The following PARN variants were observed in gnomAD, a reference collection of about 807,000 sequenced individuals.
PARN encodes the protein poly(A)-specific ribonuclease PARN.
Under a neutral mutation model 102.8 loss-of-function variants are expected in PARN, and 71 were observed. The ratio of observed to expected loss-of-function variants is 0.69; its 90% CI spans 0.57 to 0.84. PARN has a LOEUF of 0.84. Ranked by LOEUF, PARN falls within the 40% of genes least tolerant of loss-of-function variation. PARN has a pLI of 0.00. For missense variants in PARN, 782 were observed against 760.9 expected (o/e 1.03, Z -0.33); for synonymous variants, 261 against 252.9 (o/e 1.03, Z -0.30).
At chr16:14,500,294 G>A (rs1964518936) in intron 21 of PARN, among the ~76,000 whole-genome samples, 6 of 152,204 alleles carry the variant, frequency 3.9e-5, no homozygotes, top group Admixed American at 3.9e-4. Context: ...CTGGGCTTAA[G>A]GAATTCTCCT....
chr16:14,513,406 A>G (rs1965302430), intron 21 of PARN, among the ~76,000 whole-genome samples: 1 of 152,112 alleles, frequency 6.6e-6, no homozygotes, highest in Non-Finnish European at 1.5e-5. Context: ...TTCTACCAGT[A>G]ATGATTAGCG....
Position 14,630,225 on chromosome 16 carries a change from G to A in PARN, c.-100C>T, listed in dbSNP as rs1015979192. On this transcript the variant is annotated 5_prime_UTR_variant, in exon 1 of 24. Transcript: ENST00000437198. ...GGCGACTGCGGCAGTAGCTGAGGCA[G>A]CCGCAGCGGTGACGCCGGCCGCGAC... 6.5e-6 allele frequency: 7 copies of A among 1,077,624 alleles called. No homozygotes were observed. In the African/African-American group the frequency reaches 9.8e-5, roughly 15 times the overall value. The allele number at this position is 1,077,624 out of a possible 1,614,324, so 66.8% of individuals were successfully genotyped here.
At chr16:14,490,380 G>A (rs1183769550) in intron 21 of PARN, among the ~76,000 whole-genome samples, 1 of 152,198 alleles carries the variant, frequency 6.6e-6, no homozygotes, top group East Asian at 1.9e-4. Context: ...TGCACTGGAA[G>A]GCACCCGGTT....
chr16:14,511,625 G>GT (rs1219512318), intron 21 of PARN, among the ~76,000 whole-genome samples: 1 of 152,086 alleles, frequency 6.6e-6, no homozygotes, highest in Non-Finnish European at 1.5e-5. Context: ...AAATTATTGG[G>GT]TGTAGCAGTT....
chr16:14,507,834 T>C (rs1255498014), intron 21 of PARN, among the ~76,000 whole-genome samples: 5 of 152,182 alleles, frequency 3.3e-5, no homozygotes, highest in African/African-American at 7.2e-5. Context: ...AAGAATACTA[T>C]TGAGTAAATA....
intron 18 of PARN, among the ~76,000 whole-genome samples, chr16:14,572,211 C>A (rs1968854069): frequency 6.6e-6 from 1 of 152,170 alleles, no homozygotes; most frequent in African/African-American, 2.4e-5. Context: ...AAGCTTGACA[C>A]ACGGGGTCCC....
chr16:14,629,284 T>C (rs1972873634), intron 2 of PARN, among the ~76,000 whole-genome samples: 1 of 152,168 alleles, frequency 6.6e-6, no homozygotes, highest in African/African-American at 2.4e-5. Context: ...ATACCTATTT[T>C]ACAATCAAGA....
chr16:14,607,630 T>C (rs747763821), intron 9 of PARN, among the ~76,000 whole-genome samples: 25 of 152,044 alleles, frequency 1.6e-4, no homozygotes, highest in Admixed American at 3.9e-4. Flanking sequence ...GGAATGCAGG[T>C]GGAGTAGGCT....
chr16:14,494,769 GGA>G (rs1303142827), intron 21 of PARN, among the ~76,000 whole-genome samples: 3 of 152,164 alleles, frequency 2.0e-5, no homozygotes, highest in African/African-American at 7.2e-5. Flanking sequence ...TAATAAATAT[GGA>G]GAGAAAGGGC....
At chr16:14,450,089 C>T (rs180748910) in intron 22 of PARN, among the ~76,000 whole-genome samples, 54 of 152,134 alleles carry the variant, frequency 3.5e-4, no homozygotes, top group Non-Finnish European at 6.8e-4. Context: ...TGGTTGAATA[C>T]GCAACAGTAC....
intron 23 of PARN, among the ~76,000 whole-genome samples, chr16:14,445,963 G>A (rs1961181872): frequency 6.6e-6 from 1 of 152,190 alleles, no homozygotes; most frequent in Non-Finnish European, 1.5e-5. Flanking sequence ...AATGGATAAT[G>A]ATGACTGTCT....
intron 6 of PARN, among the ~76,000 whole-genome samples, chr16:14,613,888 A>C (rs994601422): frequency 3.3e-5 from 5 of 152,222 alleles, no homozygotes; most frequent in African/African-American, 1.2e-4. Flanking sequence ...AATGGAAGTC[A>C]ACAGATTGCT....
intron 22 of PARN, among the ~76,000 whole-genome samples, chr16:14,475,383 T>C (rs1962985387): frequency 6.6e-6 from 1 of 152,122 alleles, no homozygotes; most frequent in African/African-American, 2.4e-5. Context: ...AGAGGAGTAT[T>C]CTCCAAACAC....
chr16:14,484,403 C>A (rs973518739), intron 21 of PARN, among the ~76,000 whole-genome samples: 3 of 152,208 alleles, frequency 2.0e-5, no homozygotes, highest in African/African-American at 7.2e-5. Flanking sequence ...ACAACTATTA[C>A]CCACACTGGC....
chr16:14,442,037 T>C (rs1960964876), intron 23 of PARN, among the ~76,000 whole-genome samples: 1 of 152,214 alleles, frequency 6.6e-6, no homozygotes. Flanking sequence ...ACAATGTCTC[T>C]ATTTACAGGA....
At chr16:14,458,013 C>T (rs1961769377) in intron 22 of PARN, among the ~76,000 whole-genome samples, 1 of 151,568 alleles carries the variant, frequency 6.6e-6, no homozygotes, top group African/African-American at 2.4e-5. Flanking sequence ...ATAAAGCTTA[C>T]TTGTGAATAC....
At chr16:14,544,384 G>A (rs1007843837) in intron 21 of PARN, among the ~76,000 whole-genome samples, 3 of 152,056 alleles carry the variant, frequency 2.0e-5, no homozygotes, top group African/African-American at 4.8e-5. Flanking sequence ...AGATCAGCCT[G>A]GGCAACATGG....
intron 22 of PARN, among the ~76,000 whole-genome samples, chr16:14,478,514 TCTC>T (rs1353122491): frequency 6.6e-6 from 1 of 152,078 alleles, no homozygotes; most frequent in Admixed American, 6.6e-5. Flanking sequence ...ACATTGAACT[TCTC>T]CTCCCTAATA....
At chr16:14,453,273 C>G (rs1961543914) in intron 22 of PARN, among the ~76,000 whole-genome samples, 1 of 152,228 alleles carries the variant, frequency 6.6e-6, no homozygotes, top group Non-Finnish European at 1.5e-5. Flanking sequence ...AGCTAAGTCG[C>G]TGTCAACTAT....
Sources: gnomAD v4.1 joint callset for allele counts (sites outside exome capture counted in the v4.1 genomes callset) on GRCh38, gnomAD v4.1.1 for gene constraint, MANE v1.5 for transcripts, NCBI Gene and HGNC (gene_info 2026-07-23, HGNC 2026-07-21) for gene names.